Variants in TMCO5A observed in about 807,000 individuals in gnomAD.
The protein encoded by TMCO5A is transmembrane and coiled-coil domains 5A, also known as transmembrane and coiled-coil domain-containing protein 5A.
In TMCO5A, 34 loss-of-function variants were observed where a neutral mutation model predicts 42.3. That is an observed-to-expected ratio of 0.80 (90% CI 0.61 to 1.07). The LOEUF (loss-of-function observed/expected upper bound fraction) is 1.07, where lower values mean the gene tolerates loss of function less well. Ranked by LOEUF, TMCO5A falls within the 50% of genes least tolerant of loss-of-function variation. TMCO5A has a pLI of 0.00. For synonymous variants in TMCO5A, 131 were observed against 115.6 expected, an observed-to-expected ratio of 1.13 and a Z score of -0.86; for missense variants, 357 against 327.9, an observed-to-expected ratio of 1.09 and a Z score of -0.69.
chr15:37,941,118 C>A, intron 6 of TMCO5A, 31 bp from the exon 7 acceptor site: 3 of 1,610,950 alleles, frequency 1.9e-6, no homozygotes, highest in African/African-American at 1.3e-5. Context: ...TTTTACCTTG[C>A]CAAGTTAGCA....
intron 9 of TMCO5A, chr15:37,942,541 A>G (rs1889785484): frequency 3.6e-6 from 1 of 278,394 alleles, no homozygotes; most frequent in South Asian, 9.5e-5. Flanking sequence ...AAAAACATGT[A>G]CTTTAGAAAG....
intron 5 of TMCO5A, 108 bp downstream of exon 5, chr15:37,937,504 C>T (rs2140256956): frequency 8.5e-7 from 1 of 1,174,824 alleles, no homozygotes; most frequent in Non-Finnish European, 1.3e-6. Flanking sequence ...TCAGAGAGGC[C>T]TGTATGTGGA....
At chr15:37,971,230 T>TA (rs1890667709), downstream of TMCO5A, among the ~76,000 whole-genome samples, 1 of 152,194 alleles carries the variant, frequency 6.6e-6, no homozygotes, top group Non-Finnish European at 1.5e-5. Flanking sequence ...TGTGCACCTG[T>TA]AGACTCAACA....
At chr15:38,031,530 C>A in the TMCO5A span, among the ~76,000 whole-genome samples, 1 of 152,192 alleles carries the variant, frequency 6.6e-6, no homozygotes, top group Non-Finnish European at 1.5e-5. Flanking sequence ...TCATGAGCAA[C>A]CCTATGGAGA....
chr15:38,001,153 A>G, the TMCO5A span, among the ~76,000 whole-genome samples: 1 of 152,060 alleles, frequency 6.6e-6, no homozygotes, highest in African/African-American at 2.4e-5. Flanking sequence ...AGCTCTAATA[A>G]TATTTGTTAT....
rs1466864029 is a variant in TMCO5A at position 37,951,121 on chromosome 15, G to T, written c.754G>T (p.Asp252Tyr). 1 of 1,613,690 alleles carries T rather than the reference G, an allele frequency of 6.2e-7. No homozygotes were observed. Among genetic ancestry groups the T allele is most frequent in the Non-Finnish European group, 8.5e-7 (1 of 1,179,884 alleles). ...MFFHVRFINP[D>Y]LLVNVLPKVL... ...TTTTCATGTAAGATTCATAAATCCA[G>T]ATCTCCTCGTCAATGTACTGCCCAA... is the stretch of plus-strand genomic sequence containing the variant. The change falls in exon 12 of 12, where the codon GAT (aspartate) becomes TAT (tyrosine). Residue 252 changes from aspartate to tyrosine, a missense_variant. Coordinates refer to ENST00000319669, the MANE Select transcript of TMCO5A (RefSeq NM_152453.4).
chr15:38,024,071 A>G, the TMCO5A span, among the ~76,000 whole-genome samples: 4,892 of 152,270 alleles, frequency 0.032, 290 homozygotes, highest in African/African-American at 0.11. Context: ...TTAATCTCAC[A>G]TCCTAATGTA....
chr15:37,963,970 T>A (rs575771238), intron 11 of TMCO5A, among the ~76,000 whole-genome samples: 12 of 152,210 alleles, frequency 7.9e-5, no homozygotes, highest in Non-Finnish European at 1.2e-4. Context: ...ATTAACTTAA[T>A]AATTAACCTC....
chr15:37,967,691 G>C (rs1244809467), exon 12 of TMCO5A: 1 of 152,094 alleles, frequency 6.6e-6, no homozygotes, highest in African/African-American at 2.4e-5. Context: ...TCAGAAAGTT[G>C]CATAAAATCG....
At chr15:38,024,502 C>T in the TMCO5A span, among the ~76,000 whole-genome samples, 1 of 152,272 alleles carries the variant, frequency 6.6e-6, no homozygotes, top group Middle Eastern at 3.4e-3. Context: ...GGTGGAGGAT[C>T]AGGTGAATCA....
chr15:37,947,828 C>A, intron 11 of TMCO5A, 132 bp downstream of exon 11: 1 of 546,170 alleles, frequency 1.8e-6, no homozygotes. Context: ...ACACACAAGT[C>A]AGCAAACTAA....
intron 6 of TMCO5A, among the ~76,000 whole-genome samples, chr15:37,939,761 A>T (rs551157501): frequency 7.2e-5 from 11 of 152,228 alleles, no homozygotes; most frequent in Middle Eastern, 6.8e-3. Flanking sequence ...GCATGCTAGT[A>T]ATCAGTGCAG....
chr15:38,030,166 A>G, the TMCO5A span, among the ~76,000 whole-genome samples: 1 of 152,188 alleles, frequency 6.6e-6, no homozygotes, highest in Non-Finnish European at 1.5e-5. Context: ...AAAATCCACC[A>G]TATTGATTGT....
the TMCO5A span, among the ~76,000 whole-genome samples, chr15:38,019,740 TG>T: frequency 1.3e-5 from 2 of 151,830 alleles, no homozygotes; most frequent in African/African-American, 4.8e-5. Flanking sequence ...CCTGAGTAGC[TG>T]GGACTACAGG....
downstream of TMCO5A, among the ~76,000 whole-genome samples, chr15:37,970,442 G>A (rs1183988724): frequency 6.6e-6 from 1 of 152,208 alleles, no homozygotes; most frequent in Admixed American, 6.5e-5. Flanking sequence ...GGGAATTCAA[G>A]ATGAGATTTG....
chr15:37,976,764 GTTTC>G, the TMCO5A span, among the ~76,000 whole-genome samples: 14 of 142,606 alleles, frequency 9.8e-5, no homozygotes, highest in South Asian at 4.7e-4. Context: ...GATCAGTTTG[GTTTC>G]TTTCTTTCTT....
chr15:38,007,872 CTTTTTTTTTTTTTTTTTTTTTTT>C, the TMCO5A span, among the ~76,000 whole-genome samples: 28 of 47,406 alleles, frequency 5.9e-4, 1 homozygote, highest in East Asian at 0.021. Context: ...CTCACCCACA[CTTTTTTTTTTTTTTTTTTTTTTT>C]TTTTTTTTTT....
intron 11 of TMCO5A, among the ~76,000 whole-genome samples, chr15:37,960,743 T>A (rs1433603437): frequency 6.6e-6 from 1 of 152,182 alleles, no homozygotes; most frequent in Non-Finnish European, 1.5e-5. Flanking sequence ...GAAGGTGGTA[T>A]CACATTGTGG....
In TMCO5A at chr15:37,936,990, G is replaced by C; in HGVS notation, c.264+20G>C. The C allele has an allele frequency of 6.2e-7, 1 of 1,611,170 alleles. No homozygotes were observed. Among genetic ancestry groups the C allele is most frequent in the Non-Finnish European group, 8.5e-7 (1 of 1,178,484 alleles). On this transcript the variant is annotated intron_variant, in intron 4 of 11. Coordinates refer to ENST00000319669, the MANE Select transcript of TMCO5A (RefSeq NM_152453.4). Reference sequence around the variant, plus strand: ...AGACTTGTAAGCAAGAAGTTGGGAAGAGCCATTTAATAGGTTGCATTCCTC... The same window carrying C: ...AGACTTGTAAGCAAGAAGTTGGGAACAGCCATTTAATAGGTTGCATTCCTC...
Sources: allele counts gnomAD v4.1 joint callset (sites outside exome capture counted in the v4.1 genomes callset), GRCh38; gene constraint gnomAD v4.1.1; transcripts MANE v1.5; gene names NCBI Gene and HGNC (gene_info 2026-07-23, HGNC 2026-07-21).